EDARADD: variants seen among roughly 807,000 people sequenced by gnomAD.
EDARADD encodes the protein ectodysplasin-A receptor-associated adapter protein.
Under a neutral mutation model 25.6 loss-of-function variants are expected in EDARADD, and 20 were observed. That is an observed-to-expected ratio of 0.78 (90% CI 0.55 to 1.14). EDARADD has a LOEUF of 1.14. Among genes scored for constraint, EDARADD ranks in the 50% most tolerant of loss-of-function variants. EDARADD has a pLI of 0.00. For missense variants in EDARADD, 225 were observed against 270.1 expected, an observed-to-expected ratio of 0.83 and a Z score of 1.17; for synonymous variants, 86 against 94.4, an observed-to-expected ratio of 0.91 and a Z score of 0.52.
At chr1:236,406,599 G>T (rs1667744112) in intron 1 of EDARADD, among the ~76,000 whole-genome samples, 1 of 152,192 alleles carries the variant, frequency 6.6e-6, no homozygotes. Flanking sequence ...CATGGAAAAG[G>T]TATGGTGAGA....
At chr1:236,455,671 G>C (rs1403155017) in intron 4 of EDARADD, among the ~76,000 whole-genome samples, 6 of 152,236 alleles carry the variant, frequency 3.9e-5, no homozygotes, top group Admixed American at 3.9e-4. Context: ...TTGCATTCCA[G>C]TCCAAACCAA....
Position 236,429,199 on chromosome 1 carries a change from C to CGGGAGT in EDARADD, c.219+1754_219+1755insTGGGAG, listed in dbSNP as rs1558121732. 7.6e-4 allele frequency among the ~76,000 whole-genome samples: 39 copies of CGGGAGT among 51,468 alleles called. No individual in the cohort carries two copies. The South Asian group carries it at 0.026, about 34-fold the overall frequency. The allele number at this position is 51,468 out of a possible 152,430, so 33.8% of individuals were successfully genotyped here. A position where few individuals can be genotyped will look rare whatever the true frequency, so the allele number is the denominator to read the frequency against. On this transcript the variant is annotated intron_variant, in intron 4 of 5. Transcript: ENST00000334232. The stretch of plus-strand genomic sequence containing the variant: ...GGAGACTGTGCAGAGGGAGAGGGAG[C>CGGGAGT]GGGAGCGGGAGAGGGAGAGATTTTT...
Position 236,372,200 on chromosome 1 carries a change from C to G in EDARADD, c.-6+21361C>G, listed in dbSNP as rs1009801215. On this transcript the variant is annotated intron_variant, in intron 3 of 7. Transcript: ENST00000439430. ...CAAACTCCTGACCTCAGGTGGTCCA[C>G]CAGCCTTGGCCTCCCAAAGTCCTGG... Among the ~76,000 whole-genome samples, 4 of 152,148 alleles carry G rather than the reference C, an allele frequency of 2.6e-5. No homozygotes were observed. The East Asian group carries it at 5.8e-4, about 22-fold the overall frequency.
intron 5 of EDARADD, among the ~76,000 whole-genome samples, chr1:236,480,040 T>C (rs965364334): frequency 2.1e-5 from 3 of 144,712 alleles, no homozygotes; most frequent in Admixed American, 7.0e-5. Flanking sequence ...AGTGGGACTG[T>C]CTCAAAAAAC....
rs540639246 is a variant in EDARADD, at chr1:236,366,967, C to T, written c.-6+16128C>T. 2.0e-5 allele frequency among the ~76,000 whole-genome samples: 3 copies of T among 151,728 alleles called. No homozygotes were observed. In the South Asian group the frequency reaches 6.2e-4, roughly 32 times the overall value. ...TGGCACGCACCAGTAGTCCCAGCTA[C>T]TCAGGACGCTGATGCAGGAGGCAGG... is the stretch of plus-strand genomic sequence containing the variant. On this transcript the variant is annotated intron_variant, in intron 3 of 7. Transcript: ENST00000439430.
At position 236,454,108 on chromosome 1, in the gene EDARADD, T is replaced by C. The variant is rs562094459; in HGVS notation, c.220-14123T>C. ...TTGCCCAGGCTGGAGTGCAGTGGCG[T>C]GATCTTGGCTCACTGCAACCTCCAT... On this transcript the variant is annotated intron_variant, in intron 4 of 5. Coordinates refer to ENST00000334232, the MANE Select transcript of EDARADD (RefSeq NM_145861.4). Among the ~76,000 whole-genome samples the C allele has an allele frequency of 3.3e-5, 5 of 152,226 alleles. No individual in the cohort carries two copies. In the South Asian group the frequency reaches 1.0e-3, roughly 32 times the overall value.
At chr1:236,476,716 G>T (rs1208246306) in intron 5 of EDARADD, among the ~76,000 whole-genome samples, 1 of 152,110 alleles carries the variant, frequency 6.6e-6, no homozygotes, top group African/African-American at 2.4e-5. Context: ...GCAGAGACTG[G>T]GTTTCTCCAT....
chr1:236,432,024 C>T (rs936478502), intron 4 of EDARADD, among the ~76,000 whole-genome samples: 2 of 151,720 alleles, frequency 1.3e-5, no homozygotes, highest in African/African-American at 4.9e-5. Context: ...GTGTGTAAGG[C>T]TCAGATGTGT....
chr1:236,411,797 T>A (rs956673501), intron 2 of EDARADD, among the ~76,000 whole-genome samples: 4 of 152,158 alleles, frequency 2.6e-5, no homozygotes, highest in African/African-American at 9.6e-5. Flanking sequence ...GTGATCCGCC[T>A]GCCTTGGCCT....
At chr1:236,405,874 C>CTTCCTTCCTTTTCTTTCT (rs56931070) in intron 1 of EDARADD, among the ~76,000 whole-genome samples, 1 of 30,874 alleles carries the variant, frequency 3.2e-5, no homozygotes, top group African/African-American at 1.2e-4. Flanking sequence ...TCCTTCCTTC[C>CTTCCTTCCTTTTCTTTCT]TTCTTTCTTT....
At chr1:236,437,754 T>C (rs1427911637) in intron 4 of EDARADD, among the ~76,000 whole-genome samples, 1 of 147,728 alleles carries the variant, frequency 6.8e-6, no homozygotes, top group Non-Finnish European at 1.5e-5. Context: ...TTTTTTTTTT[T>C]TTTTTTTTTT....
intron 5 of EDARADD, among the ~76,000 whole-genome samples, chr1:236,481,678 C>T (rs911031632): frequency 6.7e-6 from 1 of 150,030 alleles, no homozygotes; most frequent in Non-Finnish European, 1.5e-5. Context: ...ACTCGGGAAG[C>T]TGAGGTGGGA....
chr1:236,468,398 C>G, intron 5 of EDARADD, 122 bp downstream of exon 5: 1 of 968,864 alleles, frequency 1.0e-6, no homozygotes, highest in Admixed American at 1.8e-5. Context: ...CCAAGGTGGG[C>G]GGATCACCTG....
chr1:236,463,712 A>G (rs1441504847), intron 4 of EDARADD, among the ~76,000 whole-genome samples: 1 of 152,092 alleles, frequency 6.6e-6, no homozygotes, highest in Non-Finnish European at 1.5e-5. Context: ...TTCTGTACCC[A>G]TTGAACGGTA....
chr1:236,480,569 T>C (rs1659645749), intron 5 of EDARADD, among the ~76,000 whole-genome samples: 1 of 152,062 alleles, frequency 6.6e-6, no homozygotes, highest in Non-Finnish European at 1.5e-5. Context: ...TTCTTTACCT[T>C]CCGAAACTGG....
intron 5 of EDARADD, among the ~76,000 whole-genome samples, chr1:236,476,271 G>A (rs1571958880): frequency 6.6e-6 from 1 of 151,826 alleles, no homozygotes; most frequent in East Asian, 1.9e-4. Flanking sequence ...TTTTCTTCTT[G>A]ACGATAACAT....
chr1:236,478,030 G>C (rs1659558025), intron 5 of EDARADD, among the ~76,000 whole-genome samples: 1 of 152,112 alleles, frequency 6.6e-6, no homozygotes, highest in Admixed American at 6.5e-5. Flanking sequence ...TTGAACCCGA[G>C]AGGCGGAGGT....
chr1:236,447,199 TCTTTCTTTCTTTCTTTCTTTCTTTC>T (rs758480060), intron 4 of EDARADD, among the ~76,000 whole-genome samples: 2,640 of 67,706 alleles, frequency 0.039, 35 homozygotes, highest in Admixed American at 0.061. Flanking sequence ...TTTCTTTCTT[TCTTTCTTTCTTTCTTTCTTTCTTTC>T]CTTTCTTTCC....
At chr1:236,429,478 C>T (rs895344554) in intron 4 of EDARADD, among the ~76,000 whole-genome samples, 8 of 151,706 alleles carry the variant, frequency 5.3e-5, no homozygotes, top group South Asian at 4.2e-4. Context: ...CCCAGGTTCA[C>T]GCCATTCTCC....
Sources: allele counts gnomAD v4.1 joint callset (sites outside exome capture counted in the v4.1 genomes callset), GRCh38; gene constraint gnomAD v4.1.1; transcripts MANE v1.5; gene names NCBI Gene and HGNC (gene_info 2026-07-23, HGNC 2026-07-21).